The following ZNF136 variants were observed in gnomAD, a reference collection of about 807,000 sequenced individuals.
ZNF136 encodes the protein zinc finger protein 136 (clone pHZ-20).
ZNF136 carries 8 observed loss-of-function variants against 11.4 expected under a neutral mutation model. That is an observed-to-expected ratio of 0.70 (90% CI 0.41 to 1.27). The LOEUF (loss-of-function observed/expected upper bound fraction) is 1.27, where lower values mean the gene tolerates loss of function less well. ZNF136 is among the 50% of genes most tolerant of loss of function. The probability of loss-of-function intolerance (pLI) is 0.01; values close to 1 mark genes in which losing one functional copy is unlikely to be tolerated. For missense variants in ZNF136, 590 were observed against 656.5 expected (o/e 0.90, Z 1.11); for synonymous variants, 190 against 207.1 (o/e 0.92, Z 0.71).
Position 12,163,157 on chromosome 19 carries a change from G to A in ZNF136, c.-47G>A. ...CTCTGTGGCGCGGTTTCCTGTACCT[G>A]CCTTGGGATCCGGAGGGAGGAAGCT... On this transcript the variant is annotated 5_prime_UTR_variant, in exon 1 of 4. Transcript: ENST00000343979. The A allele has an allele frequency of 7.1e-7, 1 of 1,399,022 alleles. No individual in the cohort carries two copies. 86.7% of individuals were successfully genotyped at this position (1,399,022 alleles called of 1,614,324 possible).
chr19:12,171,647 T>C (rs944630837), intron 1 of ZNF136, among the ~76,000 whole-genome samples: 19 of 151,686 alleles, frequency 1.3e-4, no homozygotes, highest in Non-Finnish European at 2.5e-4. Flanking sequence ...CAGGGAGTGA[T>C]TTATCTTTTC....
At chr19:12,180,161 C>T (rs537654330) in intron 1 of ZNF136, among the ~76,000 whole-genome samples, 73 of 152,294 alleles carry the variant, frequency 4.8e-4, no homozygotes, top group African/African-American at 1.5e-3. Flanking sequence ...CCACCGCCCC[C>T]GGCCAACTAC....
intron 1 of ZNF136, among the ~76,000 whole-genome samples, chr19:12,177,099 G>C (rs1226845444): frequency 1.3e-5 from 2 of 152,190 alleles, no homozygotes; most frequent in Non-Finnish European, 2.9e-5. Flanking sequence ...ATCTTAGGGG[G>C]AAACATTCAG....
At chr19:12,166,576 C>T (rs1224766709) in intron 1 of ZNF136, among the ~76,000 whole-genome samples, 2 of 152,170 alleles carry the variant, frequency 1.3e-5, no homozygotes, top group African/African-American at 4.8e-5. Flanking sequence ...GTTATTGGAA[C>T]TTAGCAGATT....
At chr19:12,165,466 G>C (rs1305009078) in intron 1 of ZNF136, among the ~76,000 whole-genome samples, 1 of 152,224 alleles carries the variant, frequency 6.6e-6, no homozygotes, top group Non-Finnish European at 1.5e-5. Context: ...CCAAGAGGTA[G>C]ATTTCAGGGG....
At chr19:12,185,635 G>T in intron 1 of ZNF136, 150 bp from the exon 2 acceptor site, 3 of 921,044 alleles carry the variant, frequency 3.3e-6, no homozygotes, top group Non-Finnish European at 4.7e-6. Context: ...TATGAGAGTT[G>T]CTGTGTGGAA....
intron 1 of ZNF136, among the ~76,000 whole-genome samples, chr19:12,183,552 T>TCA (rs1568403113): frequency 0.021 from 289 of 13,794 alleles, no homozygotes; most frequent in African/African-American, 0.074. Flanking sequence ...TAACTGAATC[T>TCA]ATCTATCTAT....
intron 1 of ZNF136, among the ~76,000 whole-genome samples, chr19:12,171,191 G>C (rs1865492934): frequency 6.6e-6 from 1 of 151,858 alleles, no homozygotes; most frequent in African/African-American, 2.4e-5. Context: ...ATGTTGGCCA[G>C]GATGGTCTTG....
rs775998725 is a variant in ZNF136, at chr19:12,187,711, G to A, written c.1333G>A (p.Glu445Lys). ...IRIHERTHTG[E>K]KPYECKQCGK... ...AATACATGAAAGAACTCATACTGGA[G>A]AGAAACCCTATGAGTGTAAGCAATG... Residue 445 changes from glutamate to lysine, a missense_variant, in exon 4 of 4, where the codon GAG becomes AAG. Glu to Lys is a moderately conservative substitution (Grantham distance 56). Coordinates refer to ENST00000343979, the MANE Select transcript of ZNF136 (RefSeq NM_003437.5). The A allele has an allele frequency of 6.2e-7, 1 of 1,614,070 alleles. No homozygotes were observed. Among genetic ancestry groups the A allele is most frequent in the Non-Finnish European group, 8.5e-7 (1 of 1,180,016 alleles).
At position 12,188,755 on chromosome 19, in the gene ZNF136, T is replaced by G. The variant is rs1025467496; in HGVS notation, c.*754T>G. ...GGAGGATCACTTGAGGTCAGGAGTTTGAGACCAGTGTGCAAAACATAGCAA... is the reference window on the plus strand; with the variant it reads ...GGAGGATCACTTGAGGTCAGGAGTTGGAGACCAGTGTGCAAAACATAGCAA... On this transcript the variant is annotated 3_prime_UTR_variant, in exon 4 of 4. Transcript: ENST00000343979. 6 of 151,544 alleles carry G rather than the reference T, an allele frequency of 4.0e-5. No individual in the cohort carries two copies. Among genetic ancestry groups the G allele is most frequent in the Non-Finnish European group, 7.4e-5 (5 of 67,978 alleles). 9.4% of individuals were successfully genotyped at this position (151,544 alleles called of 1,614,324 possible). A position where few individuals can be genotyped will look rare whatever the true frequency, so the allele number is the denominator to read the frequency against.
intron 1 of ZNF136, among the ~76,000 whole-genome samples, chr19:12,184,158 C>G (rs547894263): frequency 6.6e-6 from 1 of 151,770 alleles, no homozygotes; most frequent in African/African-American, 2.4e-5. Flanking sequence ...CCCACCTCCT[C>G]GGGAGGTTGA....
At chr19:12,169,939 C>T (rs1018006148) in intron 1 of ZNF136, among the ~76,000 whole-genome samples, 18 of 152,086 alleles carry the variant, frequency 1.2e-4, no homozygotes, top group African/African-American at 2.4e-4. Context: ...GGACTACAGG[C>T]GCCTGCCACC....
At chr19:12,179,458 A>C (rs1288302166) in intron 1 of ZNF136, among the ~76,000 whole-genome samples, 2 of 151,828 alleles carry the variant, frequency 1.3e-5, no homozygotes, top group Non-Finnish European at 2.9e-5. Context: ...TTACAGGCAC[A>C]GGTCACCATG....
chr19:12,181,199 G>A (rs1225042692), intron 1 of ZNF136, among the ~76,000 whole-genome samples: 3 of 152,240 alleles, frequency 2.0e-5, no homozygotes, highest in Non-Finnish European at 2.9e-5. Flanking sequence ...AATGGCGAGT[G>A]TGGGAAATGG....
chr19:12,176,572 C>T (rs1318266309), intron 1 of ZNF136, among the ~76,000 whole-genome samples: 1 of 152,176 alleles, frequency 6.6e-6, no homozygotes, highest in Non-Finnish European at 1.5e-5. Context: ...GGTGATCCAT[C>T]TGCTTCAGCC....
At chr19:12,176,640 T>C (rs1195398920) in intron 1 of ZNF136, among the ~76,000 whole-genome samples, 1 of 152,136 alleles carries the variant, frequency 6.6e-6, no homozygotes, top group East Asian at 1.9e-4. Flanking sequence ...CCATGAGTAT[T>C]AATCTCCTTT....
At chr19:12,167,555 G>A (rs1371806183) in intron 1 of ZNF136, among the ~76,000 whole-genome samples, 1 of 152,120 alleles carries the variant, frequency 6.6e-6, no homozygotes, top group African/African-American at 2.4e-5. Context: ...GCCAGACTTT[G>A]TCTCAAAAAA....
intron 1 of ZNF136, among the ~76,000 whole-genome samples, chr19:12,170,030 G>A (rs555124914): frequency 8.0e-5 from 12 of 149,670 alleles, no homozygotes; most frequent in African/African-American, 2.4e-4. Flanking sequence ...TCCTGACCTC[G>A]TGATCTGCCC....
chr19:12,165,264 G>C (rs775953092), intron 1 of ZNF136, among the ~76,000 whole-genome samples: 48 of 152,278 alleles, frequency 3.2e-4, no homozygotes, highest in Non-Finnish European at 4.9e-4. Flanking sequence ...GAGCACTATG[G>C]GGGTAGAGGG....
Sources: allele counts gnomAD v4.1 joint callset (sites outside exome capture counted in the v4.1 genomes callset), GRCh38; gene constraint gnomAD v4.1.1; transcripts MANE v1.5; gene names NCBI Gene and HGNC (gene_info 2026-07-23, HGNC 2026-07-21).